Variants in BMP5 observed in about 807,000 individuals in gnomAD.
BMP5 encodes bone morphogenetic protein 5.
BMP5 carries 23 observed loss-of-function variants against 46.6 expected under a neutral mutation model. The ratio of observed to expected loss-of-function variants is 0.49; its 90% CI spans 0.35 to 0.70. The LOEUF (loss-of-function observed/expected upper bound fraction) is 0.70. Among genes scored for constraint, BMP5 ranks in the 30% least tolerant of loss-of-function variants. The probability of loss-of-function intolerance (pLI) is 0.00; values close to 1 mark genes in which losing one functional copy is unlikely to be tolerated. For missense variants in BMP5, 545 were observed against 565.6 expected (o/e 0.96, Z 0.37); for synonymous variants, 204 against 191.9 (o/e 1.06, Z -0.52).
intron 2 of BMP5, among the ~76,000 whole-genome samples, chr6:55,817,560 T>C (rs1275892369): frequency 6.8e-6 from 1 of 146,100 alleles, no homozygotes; most frequent in African/African-American, 2.6e-5. Flanking sequence ...TGAGAACACA[T>C]GGACACAGGA....
intron 1 of BMP5, among the ~76,000 whole-genome samples, chr6:55,848,571 C>T (rs184790122): frequency 3.3e-5 from 5 of 151,924 alleles, no homozygotes; most frequent in Admixed American, 6.6e-5. Flanking sequence ...GAAAACACTG[C>T]CTAGCAAGTA....
chr6:55,837,760 A>AT (rs1217127879), intron 1 of BMP5, among the ~76,000 whole-genome samples: 1 of 151,970 alleles, frequency 6.6e-6, no homozygotes, highest in Non-Finnish European at 1.5e-5. Flanking sequence ...CATTCTTTCT[A>AT]TTTTTTTGTA....
chr6:55,799,379 A>C (rs992316875), intron 2 of BMP5, among the ~76,000 whole-genome samples: 4 of 152,194 alleles, frequency 2.6e-5, no homozygotes, highest in African/African-American at 7.2e-5. Flanking sequence ...ATTTACAAAA[A>C]GGGGGAAGAA....
intron 1 of BMP5, among the ~76,000 whole-genome samples, chr6:55,821,720 G>C (rs1456399772): frequency 6.6e-6 from 1 of 152,144 alleles, no homozygotes; most frequent in Non-Finnish European, 1.5e-5. Flanking sequence ...TCTGGTGATA[G>C]TGCAGACTGC....
intron 3 of BMP5, among the ~76,000 whole-genome samples, chr6:55,794,027 T>G (rs527547206): frequency 6.6e-6 from 1 of 152,302 alleles, no homozygotes; most frequent in Non-Finnish European, 1.5e-5. Context: ...AACACTAGAC[T>G]AAAAATTCCT....
At chr6:55,774,327 A>G in intron 3 of BMP5, 84 bp from the exon 4 acceptor site, 3 of 1,336,088 alleles carry the variant, frequency 2.2e-6, no homozygotes, top group Non-Finnish European at 3.2e-6. Context: ...GTACTTTGAA[A>G]AGGGGAAAAG....
Position 55,874,820 on chromosome 6 carries a change from A to C in BMP5, c.46T>G (p.Trp16Gly), listed in dbSNP as rs142990567. ...TAACCCACTAGAACCCAGCAGCTCC[A>C]GAGGAAACCCACAATACCCTTAAGT... ...FLLKGIVGFL[W>G]SCWVLVGYAK... Residue 16 changes from tryptophan (W) to glycine (G), a missense_variant, in exon 1 of 7, where the codon TGG becomes GGG. Coordinates refer to ENST00000370830, the MANE Select transcript of BMP5 (RefSeq NM_021073.4). 72 of 1,613,330 alleles carry C rather than the reference A, an allele frequency of 4.5e-5. No homozygotes were observed. The highest frequency in any genetic ancestry group is 5.9e-5 in the Non-Finnish European group (70 of 1,179,630).
At chr6:55,786,357 C>T (rs1582063825) in intron 3 of BMP5, among the ~76,000 whole-genome samples, 1 of 151,858 alleles carries the variant, frequency 6.6e-6, no homozygotes. Flanking sequence ...TGAAAATTTA[C>T]ATTATGCTGT....
At chr6:55,799,964 T>A (rs1390019997) in intron 2 of BMP5, among the ~76,000 whole-genome samples, 1 of 152,270 alleles carries the variant, frequency 6.6e-6, no homozygotes, top group South Asian at 2.1e-4. Flanking sequence ...TTCCCTTATA[T>A]AAGAATAGAG....
chr6:55,776,549 A>T (rs1562032449), intron 3 of BMP5, among the ~76,000 whole-genome samples: 1 of 151,856 alleles, frequency 6.6e-6, no homozygotes, highest in Non-Finnish European at 1.5e-5. Flanking sequence ...CTTGGAGTAC[A>T]ACATAAAAAA....
At position 55,781,546 on chromosome 6, in the gene BMP5, T is replaced by C. The variant is rs571343909; in HGVS notation, c.833-7303A>G. Among the ~76,000 whole-genome samples, 3 of 152,250 alleles carry C rather than the reference T, an allele frequency of 2.0e-5. No individual in the cohort carries two copies. The East Asian group carries it at 5.8e-4, about 29-fold the overall frequency. On this transcript the variant is annotated intron_variant, in intron 3 of 6. Transcript: ENST00000370830. ...AAAGTGGTCTTTGAAACTTAGTTAC[T>C]TGGGAAACTTACTGAGTATCTAAAG...
At chr6:55,798,287 G>C (rs575402051) in intron 2 of BMP5, among the ~76,000 whole-genome samples, 3 of 152,296 alleles carry the variant, frequency 2.0e-5, no homozygotes, top group African/African-American at 7.2e-5. Context: ...CATCGGGGGA[G>C]AGGGCACAAT....
At chr6:55,764,444 A>G (rs528032782) in intron 4 of BMP5, among the ~76,000 whole-genome samples, 93 of 151,946 alleles carry the variant, frequency 6.1e-4, no homozygotes, top group Middle Eastern at 3.4e-3. Context: ...GTAGTGGCGG[A>G]CGCCTGTAGT....
At chr6:55,823,636 A>G (rs1414116763) in intron 1 of BMP5, among the ~76,000 whole-genome samples, 1 of 151,912 alleles carries the variant, frequency 6.6e-6, no homozygotes, top group Non-Finnish European at 1.5e-5. Context: ...GTTTTTCTGA[A>G]TATTGTTTTG....
At chr6:55,803,720 C>A (rs886557213) in intron 2 of BMP5, among the ~76,000 whole-genome samples, 1 of 152,188 alleles carries the variant, frequency 6.6e-6, no homozygotes, top group African/African-American at 2.4e-5. Context: ...CCTTCAGCTT[C>A]TCTACATCCT....
intron 3 of BMP5, among the ~76,000 whole-genome samples, chr6:55,790,673 T>A (rs775186705): frequency 2.0e-5 from 3 of 152,194 alleles, no homozygotes; most frequent in Admixed American, 6.5e-5. Context: ...ATTTACTTAC[T>A]GTTTCTTCAT....
At chr6:55,782,988 T>C (rs193082006) in intron 3 of BMP5, among the ~76,000 whole-genome samples, 2 of 152,266 alleles carry the variant, frequency 1.3e-5, no homozygotes. Context: ...TACTTTCATC[T>C]TGGGTTCCTG....
intron 1 of BMP5, among the ~76,000 whole-genome samples, chr6:55,861,533 A>C (rs1343229624): frequency 2.0e-5 from 3 of 152,286 alleles, no homozygotes; most frequent in African/African-American, 4.8e-5. Context: ...CTCATTACTG[A>C]CCAATTAGAT....
intron 5 of BMP5, among the ~76,000 whole-genome samples, chr6:55,759,899 C>T (rs567458464): frequency 5.9e-5 from 9 of 151,984 alleles, no homozygotes; most frequent in African/African-American, 1.9e-4. Flanking sequence ...ATATGAGAAT[C>T]CATTCTAATA....
Sources: allele counts gnomAD v4.1 joint callset (sites outside exome capture counted in the v4.1 genomes callset), GRCh38; gene constraint gnomAD v4.1.1; transcripts MANE v1.5; gene names NCBI Gene and HGNC (gene_info 2026-07-23, HGNC 2026-07-21).